DNM3: variants seen among roughly 807,000 people sequenced by gnomAD.
The protein encoded by DNM3 is dynamin-3.
Under a neutral mutation model 101.6 loss-of-function variants are expected in DNM3, and 47 were observed. The ratio of observed to expected loss-of-function variants is 0.46; its 90% CI spans 0.37 to 0.59. The LOEUF is 0.59. Among genes scored for constraint, DNM3 ranks in the 20% least tolerant of loss-of-function variants. DNM3 has a pLI of 0.00. For synonymous variants in DNM3, 385 were observed against 387.9 expected, an observed-to-expected ratio of 0.99 and a Z score of 0.09; for missense variants, 849 against 1,085.7, an observed-to-expected ratio of 0.78 and a Z score of 3.06.
At chr1:172,077,392 T>C (rs1020294712) in intron 11 of DNM3, among the ~76,000 whole-genome samples, 4 of 152,212 alleles carry the variant, frequency 2.6e-5, no homozygotes, top group African/African-American at 4.8e-5. Flanking sequence ...CTTGTTCTTT[T>C]AATTGTGATG....
At chr1:171,957,202 T>TC (rs1444647921) in intron 2 of DNM3, among the ~76,000 whole-genome samples, 2 of 149,158 alleles carry the variant, frequency 1.3e-5, no homozygotes, top group Non-Finnish European at 3.0e-5. Flanking sequence ...TTTCTTTCTT[T>TC]TTTTTTTTTT....
chr1:172,365,090 C>T (rs922846241), intron 17 of DNM3, among the ~76,000 whole-genome samples: 17 of 151,848 alleles, frequency 1.1e-4, no homozygotes, highest in Admixed American at 9.2e-4. Flanking sequence ...AACTCAAACA[C>T]ATAACCTTAA....
intron 2 of DNM3, among the ~76,000 whole-genome samples, chr1:171,936,017 G>GTT (rs199537413): frequency 2.8e-5 from 4 of 142,448 alleles, no homozygotes; most frequent in East Asian, 2.0e-4. Context: ...TGAAGAAGGT[G>GTT]TTTTTTTTTT....
At chr1:171,846,188 A>G (rs78778022) in intron 1 of DNM3, among the ~76,000 whole-genome samples, 2,945 of 152,242 alleles carry the variant, frequency 0.019, 93 homozygotes, top group African/African-American at 0.066. Flanking sequence ...AATCACAAAA[A>G]TATTTTTGCT....
At chr1:171,876,725 T>C (rs2035821104) in intron 1 of DNM3, among the ~76,000 whole-genome samples, 1 of 152,244 alleles carries the variant, frequency 6.6e-6, no homozygotes, top group South Asian at 2.1e-4. Flanking sequence ...AAAGCAATTA[T>C]TTTGTGTGTC....
chr1:172,019,008 G>A (rs1282805065), intron 4 of DNM3, among the ~76,000 whole-genome samples: 73 of 63,910 alleles, frequency 1.1e-3, no homozygotes, highest in African/African-American at 5.3e-3. Flanking sequence ...TCCTTCCTTC[G>A]CCCCCTCCCT....
At chr1:172,125,475 A>G (rs2056569989) in intron 13 of DNM3, among the ~76,000 whole-genome samples, 1 of 152,152 alleles carries the variant, frequency 6.6e-6, no homozygotes, top group Non-Finnish European at 1.5e-5. Flanking sequence ...GTTTTCTCAT[A>G]GCATGGAGGA....
rs77276168 is a variant in DNM3, at chr1:172,373,140, T to C, written c.1894-5878T>C. ...AAAACATAGTACTCACTAACAATAG[T>C]ATTTGTAGAAATTTTGAAGCCATGG... On this transcript the variant is annotated intron_variant, in intron 17 of 20. Coordinates refer to ENST00000627582, the MANE Select transcript of DNM3 (RefSeq NM_015569.5). Among the ~76,000 whole-genome samples the C allele has an allele frequency of 3.7e-4, 57 of 152,224 alleles. No individual in the cohort carries two copies. The East Asian group carries it at 9.9e-3, about 26-fold the overall frequency.
intron 4 of DNM3, among the ~76,000 whole-genome samples, chr1:172,007,643 C>T (rs761062817): frequency 6.6e-5 from 10 of 152,022 alleles, no homozygotes; most frequent in Non-Finnish European, 1.5e-4. Context: ...CCCAATTTAT[C>T]AAGTTTTTAT....
chr1:172,365,585 C>T (rs1371349596), intron 17 of DNM3, among the ~76,000 whole-genome samples: 1 of 151,722 alleles, frequency 6.6e-6, no homozygotes, highest in Non-Finnish European at 1.5e-5. Flanking sequence ...ACATTGATGT[C>T]GTTGCATTTT....
At chr1:171,956,687 C>A (rs2042881347) in intron 2 of DNM3, among the ~76,000 whole-genome samples, 1 of 152,188 alleles carries the variant, frequency 6.6e-6, no homozygotes, top group African/African-American at 2.4e-5. Context: ...AGGGCTCTGA[C>A]TCCACATTTC....
At chr1:171,951,562 C>G (rs569556232) in intron 2 of DNM3, among the ~76,000 whole-genome samples, 1 of 152,180 alleles carries the variant, frequency 6.6e-6, no homozygotes, top group South Asian at 2.1e-4. Context: ...GAAGACCATG[C>G]CTTATTTATG....
In DNM3 at chr1:172,133,528, G is replaced by A. The variant is rs147416563; in HGVS notation, c.1659+2240G>A. Reference sequence around the variant, plus strand: ...ATTTAGATGAAGAAATTCTAGGAAAGGGTAGTTTCATCCATTTAGATCATT... The same window carrying A: ...ATTTAGATGAAGAAATTCTAGGAAAAGGTAGTTTCATCCATTTAGATCATT... On this transcript the variant is annotated intron_variant, in intron 14 of 20. Coordinates refer to ENST00000627582, the MANE Select transcript of DNM3 (RefSeq NM_015569.5). The A allele has an allele frequency of 3.7e-5, 28 of 760,960 alleles. No individual in the cohort carries two copies. The Admixed American group carries it at 7.5e-4, about 20-fold the overall frequency. The allele number at this position is 760,960 out of a possible 1,614,324, so 47.1% of individuals were successfully genotyped here.
chr1:172,107,046 G>C (rs2055101317), intron 13 of DNM3, among the ~76,000 whole-genome samples: 1 of 148,950 alleles, frequency 6.7e-6, no homozygotes, highest in South Asian at 2.2e-4. Context: ...ATTTTTAGTA[G>C]AGACGGGGTT....
intron 15 of DNM3, among the ~76,000 whole-genome samples, chr1:172,267,713 C>CTTT (rs200336379): frequency 6.7e-6 from 1 of 148,792 alleles, no homozygotes; most frequent in Non-Finnish European, 1.5e-5. Context: ...TTCAGGTTTT[C>CTTT]TTTTTTTTTT....
rs186481820 is a variant in DNM3, at chr1:172,220,404, A to T, written c.1660-33169A>T. Among the ~76,000 whole-genome samples the T allele has an allele frequency of 1.9e-3, 287 of 152,314 alleles. 1 individual carries two copies. Among genetic ancestry groups the T allele is most frequent in the Non-Finnish European group, 3.3e-3 (222 of 68,020 alleles). On this transcript the variant is annotated intron_variant, in intron 14 of 20. Coordinates refer to ENST00000627582, the MANE Select transcript of DNM3 (RefSeq NM_015569.5). The stretch of plus-strand genomic sequence containing the variant: ...ATACAATATACAAAGAGTTAATATT[A>T]AAAATATGGAGAATGGGGGAAAACT...
intron 14 of DNM3, among the ~76,000 whole-genome samples, chr1:172,153,627 A>C (rs2058227389): frequency 2.6e-5 from 4 of 151,880 alleles, no homozygotes; most frequent in African/African-American, 9.7e-5. Context: ...TCCAGCCCCT[A>C]TTCGTCCTGT....
chr1:172,408,811 C>T lies in DNM3; in HGVS notation c.*970C>T, dbSNP rs1349993106. On this transcript the variant is annotated 3_prime_UTR_variant, in exon 21 of 21. Transcript: ENST00000627582. ...TTGTTTTGTAAGAATTTATCCTACC[C>T]TTGAAACAGGCTCAGTGTAACTGTA... The T allele has an allele frequency of 1.0e-6, 1 of 985,122 alleles. No homozygotes were observed. The highest frequency in any genetic ancestry group is 1.2e-6 in the Non-Finnish European group (1 of 829,836). The allele number at this position is 985,122 out of a possible 1,614,324, so 61.0% of individuals were successfully genotyped here.
At chr1:172,053,177 C>G (rs983060948) in intron 10 of DNM3, among the ~76,000 whole-genome samples, 3 of 152,118 alleles carry the variant, frequency 2.0e-5, no homozygotes, top group Admixed American at 6.5e-5. Flanking sequence ...GAATACTTCT[C>G]CAGCTATATC....
Sources: gnomAD v4.1 joint callset for allele counts (sites outside exome capture counted in the v4.1 genomes callset) on GRCh38, gnomAD v4.1.1 for gene constraint, MANE v1.5 for transcripts, NCBI Gene and HGNC (gene_info 2026-07-23, HGNC 2026-07-21) for gene names.